Variants in NELL1 observed in about 807,000 individuals in gnomAD.
NELL1 encodes protein kinase C-binding protein NELL1.
NELL1 carries 76 observed loss-of-function variants against 107.4 expected under a neutral mutation model. That is an observed-to-expected ratio of 0.71 (90% CI 0.59 to 0.86). The LOEUF (loss-of-function observed/expected upper bound fraction) is 0.86, where lower values mean the gene tolerates loss of function less well. NELL1 is among the 40% of genes least tolerant of loss of function. The pLI is 0.00. For synonymous variants in NELL1, 353 were observed against 341.2 expected (o/e 1.03, Z -0.38); for missense variants, 1,024 against 1,005.5 (o/e 1.02, Z -0.25).
intron 4 of NELL1, among the ~76,000 whole-genome samples, chr11:20,863,732 C>T (rs529877709): frequency 1.5e-4 from 23 of 152,260 alleles, no homozygotes; most frequent in South Asian, 2.1e-4. Context: ...CTGTAATCTC[C>T]GCACTCTGGG....
intron 12 of NELL1, among the ~76,000 whole-genome samples, chr11:20,975,190 T>C (rs1417270104): frequency 6.6e-6 from 1 of 151,878 alleles, no homozygotes; most frequent in African/African-American, 2.4e-5. Context: ...TGTTTATTTT[T>C]TTTTTAGTAG....
chr11:20,720,191 A>G (rs577722298), intron 2 of NELL1, among the ~76,000 whole-genome samples: 1 of 138,846 alleles, frequency 7.2e-6, no homozygotes, highest in Non-Finnish European at 1.5e-5. Flanking sequence ...TAAGGTGGCC[A>G]GTTCATTCCT....
intron 14 of NELL1, among the ~76,000 whole-genome samples, chr11:21,343,301 G>T (rs1374221258): frequency 6.6e-6 from 1 of 151,844 alleles, no homozygotes. Flanking sequence ...AAATGTATAT[G>T]ATTCATGATC....
chr11:21,247,574 G>A (rs554804315), intron 14 of NELL1, among the ~76,000 whole-genome samples: 5 of 152,156 alleles, frequency 3.3e-5, no homozygotes, highest in Non-Finnish European at 2.9e-5. Context: ...GCATGGAGGT[G>A]TCATCTCCAA....
chr11:21,137,487 T>A (rs1855769379), intron 13 of NELL1, among the ~76,000 whole-genome samples: 1 of 152,162 alleles, frequency 6.6e-6, no homozygotes, highest in Non-Finnish European at 1.5e-5. Flanking sequence ...CATTGCTGTC[T>A]CTAATAACAG....
intron 12 of NELL1, among the ~76,000 whole-genome samples, chr11:21,107,435 A>G (rs563586598): frequency 6.6e-6 from 1 of 152,292 alleles, no homozygotes; most frequent in South Asian, 2.1e-4. Flanking sequence ...CAAAGTCAGT[A>G]GGTTCAAGTC....
Position 20,682,403 on chromosome 11 carries a change from C to A in NELL1, c.184+4343C>A, listed in dbSNP as rs1345990861. ...AAGATATTTTACTTTTTTTAAAAAACAAGGCCTTCAAAATTAATTGGTATT... is the reference window on the plus strand; with the variant it reads ...AAGATATTTTACTTTTTTTAAAAAAAAAGGCCTTCAAAATTAATTGGTATT... On this transcript the variant is annotated intron_variant, in intron 2 of 19. Coordinates refer to ENST00000357134, the MANE Select transcript of NELL1 (RefSeq NM_006157.5). 2.6e-5 allele frequency among the ~76,000 whole-genome samples: 4 copies of A among 151,328 alleles called. No homozygotes were observed. The South Asian group carries it at 8.3e-4, about 31-fold the overall frequency.
At chr11:21,169,107 T>C (rs1438511091) in intron 13 of NELL1, among the ~76,000 whole-genome samples, 2 of 151,886 alleles carry the variant, frequency 1.3e-5, no homozygotes, top group Non-Finnish European at 2.9e-5. Flanking sequence ...TTCCAAATAC[T>C]GTAAATTATA....
chr11:20,744,520 A>C (rs904503225), intron 2 of NELL1, among the ~76,000 whole-genome samples: 2 of 152,142 alleles, frequency 1.3e-5, no homozygotes, highest in Non-Finnish European at 2.9e-5. Context: ...GCTGAGCTTG[A>C]CTGGGAGTTC....
rs1242394542 is a variant in NELL1 at position 20,786,991 on chromosome 11, G to T, written c.335+3161G>T. Reference sequence around the variant, plus strand: ...CCACTGCACTCCAGCCTAGGCGAAAGAGCGAGACTCCGTCTCAAAAAAAAA... The same window carrying T: ...CCACTGCACTCCAGCCTAGGCGAAATAGCGAGACTCCGTCTCAAAAAAAAA... On this transcript the variant is annotated intron_variant, in intron 3 of 19. Coordinates refer to ENST00000357134, the MANE Select transcript of NELL1 (RefSeq NM_006157.5). Among the ~76,000 whole-genome samples the T allele has an allele frequency of 4.4e-5, 5 of 113,576 alleles. No homozygotes were observed. The Admixed American group carries it at 6.7e-4, about 15-fold the overall frequency. The allele number at this position is 113,576 out of a possible 152,430, so 74.5% of individuals were successfully genotyped here.
At chr11:21,320,522 G>A (rs987842884) in intron 14 of NELL1, among the ~76,000 whole-genome samples, 19 of 152,266 alleles carry the variant, frequency 1.2e-4, no homozygotes, top group Admixed American at 9.8e-4. Context: ...TTTCTTATAT[G>A]TTATCTTGTC....
intron 16 of NELL1, among the ~76,000 whole-genome samples, chr11:21,538,119 A>T (rs1245759860): frequency 6.6e-6 from 1 of 151,916 alleles, no homozygotes; most frequent in Non-Finnish European, 1.5e-5. Flanking sequence ...AACCCTTACA[A>T]TTTTTTTTAA....
rs186805226 is a variant in NELL1 at position 21,118,273 on chromosome 11, T to C, written c.1426+4559T>C. On this transcript the variant is annotated intron_variant, in intron 13 of 19. Transcript: ENST00000357134. ...GCATGCTAGCATGCAATGACTATAC[T>C]ATGTTAGGGATTTACAATGGGGAAT... Among the ~76,000 whole-genome samples, 48 of 152,104 alleles carry C rather than the reference T, an allele frequency of 3.2e-4. 1 individual carries two copies. The highest frequency in any genetic ancestry group is 1.1e-3 in the African/African-American group (47 of 41,534).
intron 2 of NELL1, among the ~76,000 whole-genome samples, chr11:20,730,974 T>C (rs936181951): frequency 1.3e-5 from 2 of 152,194 alleles, no homozygotes; most frequent in African/African-American, 2.4e-5. Context: ...GATACATAGA[T>C]CTCTGAAGAT....
intron 3 of NELL1, among the ~76,000 whole-genome samples, chr11:20,810,606 C>T (rs1367707371): frequency 6.6e-6 from 1 of 152,102 alleles, no homozygotes; most frequent in East Asian, 1.9e-4. Flanking sequence ...GTTTCTTTAT[C>T]CATTTGTTGA....
At chr11:20,760,071 T>C (rs1856385259) in intron 2 of NELL1, among the ~76,000 whole-genome samples, 2 of 152,154 alleles carry the variant, frequency 1.3e-5, no homozygotes, top group South Asian at 2.1e-4. Flanking sequence ...ACACTCCCTT[T>C]CCTCTCCCCA....
At chr11:21,130,211 T>G (rs1164379026) in intron 13 of NELL1, among the ~76,000 whole-genome samples, 1 of 152,134 alleles carries the variant, frequency 6.6e-6, no homozygotes, top group African/African-American at 2.4e-5. Context: ...CAATCAGCCC[T>G]TCTCTATCCT....
chr11:20,945,116 G>T (rs1850936023), intron 10 of NELL1, among the ~76,000 whole-genome samples: 1 of 152,016 alleles, frequency 6.6e-6, no homozygotes, highest in Non-Finnish European at 1.5e-5. Flanking sequence ...TCTTAGTTTG[G>T]GTTCTCCCAG....
At chr11:20,677,655 A>T (rs965029896) in intron 1 of NELL1, among the ~76,000 whole-genome samples, 2 of 152,122 alleles carry the variant, frequency 1.3e-5, no homozygotes, top group African/African-American at 4.8e-5. Flanking sequence ...AACACATGGC[A>T]CCTTCTGAAT....
Sources: allele counts gnomAD v4.1 joint callset (sites outside exome capture counted in the v4.1 genomes callset), GRCh38; gene constraint gnomAD v4.1.1; transcripts MANE v1.5; gene names NCBI Gene and HGNC (gene_info 2026-07-23, HGNC 2026-07-21).